ITPR2: variants seen among roughly 807,000 people sequenced by gnomAD.
ITPR2 encodes the protein inositol 1,4,5-trisphosphate-gated calcium channel ITPR2.
ITPR2 carries 207 observed loss-of-function variants against 317.1 expected under a neutral mutation model. The observed-to-expected ratio is 0.65, with a 90% CI of 0.58 to 0.73. The LOEUF is 0.73. Ranked by LOEUF, ITPR2 falls within the 30% of genes least tolerant of loss-of-function variation. The pLI is 0.00. For missense variants in ITPR2, 2,613 were observed against 3,284.0 expected, an observed-to-expected ratio of 0.80 and a Z score of 4.99; for synonymous variants, 1,156 against 1,149.1, an observed-to-expected ratio of 1.01 and a Z score of -0.12.
At position 26,622,411 on chromosome 12, in the gene ITPR2, A is replaced by C; in HGVS notation, c.3123-6T>G. On this transcript the variant is annotated splice_region_variant and splice_polypyrimidine_tract_variant and intron_variant, in intron 24 of 56. Coordinates refer to ENST00000381340, the MANE Select transcript of ITPR2 (RefSeq NM_002223.4). The stretch of plus-strand genomic sequence containing the variant: ...GAACTGGATTTTTTTCTTTTCTATA[A>C]AACCAAAAACATTTCTAAAGTGACT... 1 of 1,593,542 alleles carries C rather than the reference A, an allele frequency of 6.3e-7. No individual in the cohort carries two copies.
At chr12:26,679,878 T>A (rs1367442580) in intron 13 of ITPR2, among the ~76,000 whole-genome samples, 2 of 152,108 alleles carry the variant, frequency 1.3e-5, no homozygotes, top group Non-Finnish European at 2.9e-5. Flanking sequence ...CTGAGAAATA[T>A]ATTACCACAG....
intron 2 of ITPR2, among the ~76,000 whole-genome samples, chr12:26,732,715 G>A (rs560945566): frequency 2.0e-5 from 3 of 152,300 alleles, no homozygotes; most frequent in South Asian, 4.1e-4. Context: ...ATGCAGAGAT[G>A]CCACTGGGAG....
At chr12:26,386,956 G>A (rs577434627) in intron 55 of ITPR2, among the ~76,000 whole-genome samples, 21 of 152,188 alleles carry the variant, frequency 1.4e-4, no homozygotes, top group South Asian at 1.0e-3. Context: ...CGAAGTATGT[G>A]TTGATGGAAA....
intron 9 of ITPR2, among the ~76,000 whole-genome samples, chr12:26,707,323 ATG>A (rs1948569685): frequency 6.6e-6 from 1 of 152,202 alleles, no homozygotes; most frequent in South Asian, 2.1e-4. Context: ...ACATCCCAAT[ATG>A]TGTCTTTTTA....
intron 32 of ITPR2, among the ~76,000 whole-genome samples, chr12:26,583,888 GA>G (rs1055869654): frequency 6.6e-6 from 1 of 150,906 alleles, no homozygotes; most frequent in African/African-American, 2.4e-5. Context: ...TCTTTTCCAA[GA>G]AAAAAAAATC....
chr12:26,559,004 T>A (rs1014975972), intron 35 of ITPR2, among the ~76,000 whole-genome samples: 3 of 152,198 alleles, frequency 2.0e-5, no homozygotes, highest in African/African-American at 7.2e-5. Context: ...CTACAACACA[T>A]CGATTCATCC....
intron 39 of ITPR2, among the ~76,000 whole-genome samples, chr12:26,489,172 T>C (rs1168849076): frequency 6.6e-6 from 1 of 151,920 alleles, no homozygotes; most frequent in Admixed American, 6.5e-5. Context: ...AGCATAAGTA[T>C]TCCTTTCACT....
At chr12:26,449,245 C>T (rs989667365) in intron 45 of ITPR2, among the ~76,000 whole-genome samples, 4 of 152,104 alleles carry the variant, frequency 2.6e-5, no homozygotes, top group Non-Finnish European at 5.9e-5. Flanking sequence ...GAATAACTGC[C>T]TTGTATATTT....
chr12:26,440,258 A>G (rs1941453757), intron 46 of ITPR2, among the ~76,000 whole-genome samples: 1 of 152,116 alleles, frequency 6.6e-6, no homozygotes, highest in African/African-American at 2.4e-5. Context: ...CACGAAAACA[A>G]AAGTTTTTTG....
chr12:26,451,960 C>T (rs6487554), intron 45 of ITPR2, among the ~76,000 whole-genome samples: 133,706 of 152,180 alleles, frequency 0.88, 58,814 homozygotes, highest in Non-Finnish European at 0.9. Context: ...TTCCTACAGA[C>T]TGCTAACACT....
At chr12:26,457,924 T>C (rs1941930696) in intron 45 of ITPR2, among the ~76,000 whole-genome samples, 1 of 152,196 alleles carries the variant, frequency 6.6e-6, no homozygotes, top group South Asian at 2.1e-4. Flanking sequence ...AGTAAGTACG[T>C]ATTGTGCTCA....
intron 38 of ITPR2, 58 bp downstream of exon 38, chr12:26,495,093 AC>A (rs1942902380): frequency 1.1e-6 from 1 of 884,096 alleles, no homozygotes; most frequent in Admixed American, 1.8e-5. Flanking sequence ...CTAGAGTAAC[AC>A]TGACATGAAG....
chr12:26,429,923 C>A (rs561287869), intron 48 of ITPR2, among the ~76,000 whole-genome samples: 6 of 152,322 alleles, frequency 3.9e-5, no homozygotes, highest in African/African-American at 1.4e-4. Flanking sequence ...TAGATAGTCA[C>A]ATTGTGCATT....
At chr12:26,685,379 C>G (rs559513642) in intron 11 of ITPR2, among the ~76,000 whole-genome samples, 16 of 152,040 alleles carry the variant, frequency 1.1e-4, no homozygotes, top group Admixed American at 1.0e-3. Flanking sequence ...GTGGATCCCT[C>G]GAGCCCAGGA....
intron 2 of ITPR2, among the ~76,000 whole-genome samples, chr12:26,748,918 G>A (rs1176375210): frequency 1.3e-5 from 2 of 152,160 alleles, no homozygotes; most frequent in African/African-American, 2.4e-5. Flanking sequence ...AGTAATTTAA[G>A]CCACAGAAAT....
chr12:26,567,982 A>ATATAT (rs1945034771), intron 34 of ITPR2, among the ~76,000 whole-genome samples: 8 of 11,482 alleles, frequency 7.0e-4, no homozygotes, highest in African/African-American at 1.5e-3. Context: ...TATATATTAT[A>ATATAT]TATATATATA....
intron 49 of ITPR2, among the ~76,000 whole-genome samples, chr12:26,423,781 T>C (rs1940964800): frequency 6.6e-6 from 1 of 152,172 alleles, no homozygotes; most frequent in Non-Finnish European, 1.5e-5. Flanking sequence ...AAAACTAGAC[T>C]GGGTTATAAG....
rs377563031 is a variant in ITPR2, at chr12:26,663,865, G to C, written c.1552-19C>G. ...CAAATACCTATCAGGAATAAAAACA[G>C]CCACCTATTCTGATGAATAAAATGT... On this transcript the variant is annotated intron_variant, in intron 14 of 56. Transcript: ENST00000381340. 3 of 1,590,020 alleles carry C rather than the reference G, an allele frequency of 1.9e-6. No homozygotes were observed. In the South Asian group the frequency reaches 3.5e-5, roughly 18 times the overall value.
At chr12:26,809,685 TG>T (rs767510382) in intron 1 of ITPR2, among the ~76,000 whole-genome samples, 23 of 152,076 alleles carry the variant, frequency 1.5e-4, no homozygotes, top group Non-Finnish European at 3.1e-4. Flanking sequence ...TGGCGGGGGT[TG>T]GGGGAGTAGT....
Sources: allele counts gnomAD v4.1 joint callset (sites outside exome capture counted in the v4.1 genomes callset), GRCh38; gene constraint gnomAD v4.1.1; transcripts MANE v1.5; gene names NCBI Gene and HGNC (gene_info 2026-07-23, HGNC 2026-07-21).